Variants in CTNNA3 observed in about 807,000 individuals in gnomAD.
The protein encoded by CTNNA3 is catenin alpha-3.
Under a neutral mutation model 95.7 loss-of-function variants are expected in CTNNA3, and 76 were observed. That is an observed-to-expected ratio of 0.79 (90% CI 0.66 to 0.96). The LOEUF is 0.96. CTNNA3 is among the 40% of genes least tolerant of loss of function. The probability of loss-of-function intolerance (pLI) is 0.00; values close to 1 mark genes in which losing one functional copy is unlikely to be tolerated. For missense variants in CTNNA3, 1,191 were observed against 1,089.8 expected, an observed-to-expected ratio of 1.09 and a Z score of -1.31; for synonymous variants, 431 against 374.4, an observed-to-expected ratio of 1.15 and a Z score of -1.74.
intron 5 of CTNNA3, among the ~76,000 whole-genome samples, chr10:67,408,066 A>G (rs1410405616): frequency 6.6e-6 from 1 of 152,204 alleles, no homozygotes; most frequent in East Asian, 1.9e-4. Context: ...GAGAACTACA[A>G]ACCACTGTTC....
intron 13 of CTNNA3, among the ~76,000 whole-genome samples, chr10:66,190,492 T>G (rs550537078): frequency 4.2e-4 from 64 of 152,278 alleles, no homozygotes; most frequent in African/African-American, 1.1e-3. Flanking sequence ...CTGAGTGGAC[T>G]AGATAATTAA....
chr10:67,518,794 A>T (rs1839897523), intron 5 of CTNNA3, among the ~76,000 whole-genome samples: 1 of 152,158 alleles, frequency 6.6e-6, no homozygotes, highest in African/African-American at 2.4e-5. Flanking sequence ...TCGATATAAT[A>T]GCTGGAACTT....
Position 66,419,480 on chromosome 10 carries a change from G to A in CTNNA3, c.1532-40128C>T, listed in dbSNP as rs2093173826. 2.0e-5 allele frequency among the ~76,000 whole-genome samples: 3 copies of A among 152,180 alleles called. No homozygotes were observed. In the South Asian group the frequency reaches 6.2e-4, roughly 32 times the overall value. ...GACCATACTCCATAAACAACCTAAA[G>A]ACTCAATGCAATCCCTATGAAGACA... On this transcript the variant is annotated intron_variant, in intron 11 of 17. Transcript: ENST00000433211.
chr10:66,226,721 C>G (rs755320813), intron 13 of CTNNA3, among the ~76,000 whole-genome samples: 12 of 151,770 alleles, frequency 7.9e-5, no homozygotes, highest in African/African-American at 1.7e-4. Context: ...TGTGTCCACT[C>G]TAATGTATTT....
intron 7 of CTNNA3, among the ~76,000 whole-genome samples, chr10:67,169,585 G>A (rs1054786071): frequency 6.6e-5 from 10 of 152,062 alleles, no homozygotes; most frequent in African/African-American, 1.7e-4. Context: ...ATGCACAGAC[G>A]ATTGACTCTG....
chr10:66,512,887 A>G (rs1020586132), intron 11 of CTNNA3, among the ~76,000 whole-genome samples: 5 of 152,126 alleles, frequency 3.3e-5, no homozygotes, highest in Non-Finnish European at 7.4e-5. Context: ...AGTCGGACAA[A>G]GATACCCTCA....
At chr10:67,112,837 C>G (rs1858979540) in intron 7 of CTNNA3, among the ~76,000 whole-genome samples, 1 of 151,734 alleles carries the variant, frequency 6.6e-6, no homozygotes, top group South Asian at 2.1e-4. Flanking sequence ...AATCAAAACT[C>G]TTTTTGAGAA....
In CTNNA3 at chr10:66,556,135, G is replaced by A. The variant is rs1444426042; in HGVS notation, c.1375-35362C>T. 2.0e-5 allele frequency among the ~76,000 whole-genome samples: 3 copies of A among 151,960 alleles called. No homozygotes were observed. The East Asian group carries it at 5.8e-4, about 29-fold the overall frequency. On this transcript the variant is annotated intron_variant, in intron 10 of 17. Coordinates refer to ENST00000433211, the MANE Select transcript of CTNNA3 (RefSeq NM_013266.4). ...GGTGCTCAACGACACTGATAATCAGGGAGATGCAAATCAGAACCACAATGA... is the reference window on the plus strand; with the variant it reads ...GGTGCTCAACGACACTGATAATCAGAGAGATGCAAATCAGAACCACAATGA...
rs1487685100 is a variant in CTNNA3, at chr10:65,918,360, C to T, written c.*1970G>A. ...GATTTCAAAAAAATTTTCTATACAG[C>T]TGGTAGTTTGGTGATTAAAAGAAAA... On this transcript the variant is annotated 3_prime_UTR_variant, in exon 18 of 18. Transcript: ENST00000433211. 2 of 152,228 alleles carry T rather than the reference C, an allele frequency of 1.3e-5. No individual in the cohort carries two copies. The highest frequency in any genetic ancestry group is 1.3e-4 in the Admixed American group (2 of 15,278). The allele number at this position is 152,228 out of a possible 1,614,324, so 9.4% of individuals were successfully genotyped here. A position where few individuals can be genotyped will look rare whatever the true frequency, so the allele number is the denominator to read the frequency against.
At chr10:65,960,313 G>T (rs1015429414) in intron 17 of CTNNA3, among the ~76,000 whole-genome samples, 1 of 151,802 alleles carries the variant, frequency 6.6e-6, no homozygotes, top group African/African-American at 2.4e-5. Context: ...GAGGTGGGTG[G>T]ATCACAAGGT....
At chr10:67,018,033 A>G (rs1444141574) in intron 7 of CTNNA3, among the ~76,000 whole-genome samples, 1 of 152,102 alleles carries the variant, frequency 6.6e-6, no homozygotes, top group Non-Finnish European at 1.5e-5. Context: ...TGGCCTCCCA[A>G]TGTGCTGGGA....
At chr10:66,620,137 T>A (rs1844693224) in intron 10 of CTNNA3, among the ~76,000 whole-genome samples, 1 of 152,128 alleles carries the variant, frequency 6.6e-6, no homozygotes. Context: ...ATGTGACAAA[T>A]TTGTTGATAG....
chr10:66,642,992 G>T (rs1005813729), intron 9 of CTNNA3, among the ~76,000 whole-genome samples: 1 of 152,118 alleles, frequency 6.6e-6, no homozygotes, highest in Non-Finnish European at 1.5e-5. Context: ...TTGAAAGGGA[G>T]AGAGCTAGAT....
At chr10:67,580,212 A>C (rs1263602483) in intron 3 of CTNNA3, among the ~76,000 whole-genome samples, 1 of 152,016 alleles carries the variant, frequency 6.6e-6, no homozygotes, top group Non-Finnish European at 1.5e-5. Flanking sequence ...TCTTTAATCC[A>C]TTCTTGAATT....
At chr10:66,586,584 C>T (rs1020994212) in intron 10 of CTNNA3, among the ~76,000 whole-genome samples, 3 of 152,298 alleles carry the variant, frequency 2.0e-5, no homozygotes, top group Admixed American at 1.3e-4. Context: ...GTATGGCACA[C>T]TTCCTGTGGA....
At chr10:66,279,010 A>C (rs2091447701) in intron 13 of CTNNA3, among the ~76,000 whole-genome samples, 1 of 152,040 alleles carries the variant, frequency 6.6e-6, no homozygotes, top group Admixed American at 6.6e-5. Flanking sequence ...ATCACTTAGA[A>C]ATAGTTGTAG....
chr10:67,303,401 G>A lies in CTNNA3; in HGVS notation c.580-83531C>T, dbSNP rs554238705. On this transcript the variant is annotated intron_variant, in intron 5 of 17. Coordinates refer to ENST00000433211, the MANE Select transcript of CTNNA3 (RefSeq NM_013266.4). ...CAAATTCAACCAGAATCTAGAAGGC[G>A]AGGGAACCAGATAATTTTGTACATT... Among the ~76,000 whole-genome samples the A allele has an allele frequency of 5.9e-5, 9 of 152,320 alleles. No homozygotes were observed. The South Asian group carries it at 6.2e-4, about 11-fold the overall frequency.
intron 5 of CTNNA3, among the ~76,000 whole-genome samples, chr10:67,344,266 A>C (rs968069354): frequency 2.0e-5 from 3 of 151,986 alleles, no homozygotes; most frequent in African/African-American, 7.2e-5. Flanking sequence ...TTTTTGCATC[A>C]ATATTCATCA....
intron 7 of CTNNA3, among the ~76,000 whole-genome samples, chr10:67,146,765 T>C (rs1860866281): frequency 6.6e-6 from 1 of 152,180 alleles, no homozygotes; most frequent in African/African-American, 2.4e-5. Context: ...TACTATAATT[T>C]ATATACAGTC....
Sources: gnomAD v4.1 joint callset for allele counts (sites outside exome capture counted in the v4.1 genomes callset) on GRCh38, gnomAD v4.1.1 for gene constraint, MANE v1.5 for transcripts, NCBI Gene and HGNC (gene_info 2026-07-23, HGNC 2026-07-21) for gene names.